LINGO2: variants seen among roughly 807,000 people sequenced by gnomAD.
The protein encoded by LINGO2 is leucine-rich repeat and immunoglobulin-like domain-containing nogo receptor-interacting protein 2.
A neutral mutation model predicts 30.6 loss-of-function variants in LINGO2; 14 were observed. The ratio of observed to expected loss-of-function variants is 0.46; its 90% CI spans 0.30 to 0.72. The LOEUF is 0.72. Ranked by LOEUF, LINGO2 falls within the 30% of genes least tolerant of loss-of-function variation. The pLI is 0.07. For synonymous variants in LINGO2, 317 were observed against 288.5 expected (o/e 1.10, Z -1.00); for missense variants, 729 against 751.7 (o/e 0.97, Z 0.35).
the LINGO2 span, among the ~76,000 whole-genome samples, chr9:29,034,423 C>A: frequency 6.6e-6 from 1 of 151,996 alleles, no homozygotes; most frequent in African/African-American, 2.4e-5. Flanking sequence ...TAACATATTG[C>A]GTGACCTTGG....
chr9:28,398,034 T>C (rs1822124330), intron 2 of LINGO2, among the ~76,000 whole-genome samples: 2 of 152,166 alleles, frequency 1.3e-5, no homozygotes, highest in Non-Finnish European at 1.5e-5. Flanking sequence ...AAGAAAATTA[T>C]TGTTGGAGTT....
the LINGO2 span, among the ~76,000 whole-genome samples, chr9:28,955,085 C>T: frequency 7.9e-5 from 12 of 151,288 alleles, no homozygotes; most frequent in African/African-American, 2.2e-4. Flanking sequence ...CAAAAAGAAA[C>T]GGAGATTAGG....
the LINGO2 span, among the ~76,000 whole-genome samples, chr9:29,159,730 C>T: frequency 1.3e-5 from 2 of 151,300 alleles, no homozygotes; most frequent in Admixed American, 6.6e-5. Context: ...TGGTGGTGGG[C>T]GCCAGTAATC....
rs1050285945 is a variant in LINGO2, at chr9:28,130,882, A to G, written c.-86-118477T>C. On this transcript the variant is annotated intron_variant, in intron 4 of 5. Transcript: ENST00000379992. This position sits in a 1 kb window ranked among gnomAD's most constrained non-coding sequence, Gnocchi z 5.2. ...GAATGCGTTTGAGGCCTTTCAAAAT[A>G]GGGCCTCACATCTATATTTGTTTCA... Among the ~76,000 whole-genome samples, 3 of 152,154 alleles carry G rather than the reference A, an allele frequency of 2.0e-5. No homozygotes were observed. Among genetic ancestry groups the G allele is most frequent in the African/African-American group, 7.2e-5 (3 of 41,460 alleles).
At chr9:28,104,749 C>A (rs1826532059) in intron 4 of LINGO2, among the ~76,000 whole-genome samples, 1 of 152,090 alleles carries the variant, frequency 6.6e-6, no homozygotes, top group Non-Finnish European at 1.5e-5. Context: ...CTTGTTAACA[C>A]TGATGTGCTT....
At chr9:28,856,178 A>G in the LINGO2 span, among the ~76,000 whole-genome samples, 3 of 151,902 alleles carry the variant, frequency 2.0e-5, no homozygotes, top group Admixed American at 2.0e-4. Flanking sequence ...GGAGAACACA[A>G]TTTTGTTGTA....
chr9:28,321,667 T>TA (rs1825047204), intron 3 of LINGO2, among the ~76,000 whole-genome samples: 1 of 152,196 alleles, frequency 6.6e-6, no homozygotes. Flanking sequence ...ACAGAGACTA[T>TA]AGGACCTGTC....
chr9:28,503,487 C>T (rs905943978), intron 1 of LINGO2, among the ~76,000 whole-genome samples: 9 of 151,832 alleles, frequency 5.9e-5, no homozygotes, highest in African/African-American at 2.2e-4. Context: ...GAAAGCAATG[C>T]ATGTCTACAT....
the LINGO2 span, among the ~76,000 whole-genome samples, chr9:28,795,253 C>CG: frequency 6.6e-6 from 1 of 152,104 alleles, no homozygotes; most frequent in African/African-American, 2.4e-5. Flanking sequence ...TAGCAAATAC[C>CG]GTGTGCTCAA....
At chr9:29,042,424 C>T in the LINGO2 span, among the ~76,000 whole-genome samples, 1 of 151,898 alleles carries the variant, frequency 6.6e-6, no homozygotes, top group East Asian at 1.9e-4. Flanking sequence ...AATAATATCC[C>T]AAAAGTGAAT....
chr9:28,621,877 T>C (rs540729490), intron 1 of LINGO2, among the ~76,000 whole-genome samples: 1 of 152,174 alleles, frequency 6.6e-6, no homozygotes, highest in African/African-American at 2.4e-5. Flanking sequence ...AAATACTTTA[T>C]TGCTAAAAAA....
chr9:28,156,782 G>A (rs10812746), intron 4 of LINGO2, among the ~76,000 whole-genome samples: 1 of 152,106 alleles, frequency 6.6e-6, no homozygotes, highest in Non-Finnish European at 1.5e-5. Flanking sequence ...AAAACAAAGG[G>A]GCCACAGGCC....
intron 5 of LINGO2, among the ~76,000 whole-genome samples, chr9:27,972,580 T>C (rs372076026): frequency 5.3e-4 from 81 of 152,314 alleles, no homozygotes; most frequent in Middle Eastern, 3.4e-3. Context: ...GACTTGGCTC[T>C]CCATCACAAC....
chr9:28,094,211 A>G (rs1826178941), intron 4 of LINGO2, among the ~76,000 whole-genome samples: 1 of 152,150 alleles, frequency 6.6e-6, no homozygotes, highest in Non-Finnish European at 1.5e-5. Flanking sequence ...TGACTGCCAA[A>G]GGAGGAATAG....
chr9:28,709,808 A>T, the LINGO2 span, among the ~76,000 whole-genome samples: 1 of 151,942 alleles, frequency 6.6e-6, no homozygotes, highest in Non-Finnish European at 1.5e-5. Flanking sequence ...CATGATTCTC[A>T]ATATGATTGA....
the LINGO2 span, among the ~76,000 whole-genome samples, chr9:29,012,255 G>T: frequency 6.6e-6 from 1 of 152,044 alleles, no homozygotes; most frequent in African/African-American, 2.4e-5. Context: ...CTACTTGGGA[G>T]GGTGAGACAG....
At chr9:28,688,007 C>G in the LINGO2 span, among the ~76,000 whole-genome samples, 2 of 152,076 alleles carry the variant, frequency 1.3e-5, no homozygotes, top group African/African-American at 4.8e-5. Flanking sequence ...CAGTTTGAAA[C>G]CTTCCAAAAA....
intron 3 of LINGO2, among the ~76,000 whole-genome samples, chr9:28,366,676 T>TA (rs201091820): frequency 0.02 from 2,877 of 144,410 alleles, 66 homozygotes; most frequent in East Asian, 0.1. Context: ...ATAAACCAGT[T>TA]AAAAAAAAAA....
chr9:28,958,446 A>C, the LINGO2 span, among the ~76,000 whole-genome samples: 1 of 152,146 alleles, frequency 6.6e-6, no homozygotes, highest in Non-Finnish European at 1.5e-5. Flanking sequence ...ATGGCAGCAG[A>C]GGTAGTCTAA....
Sources: gnomAD v4.1 joint callset for allele counts (sites outside exome capture counted in the v4.1 genomes callset) on GRCh38, gnomAD v4.1.1 for gene constraint, Gnocchi (gnomAD v3.1) non-coding constraint, MANE v1.5 for transcripts, NCBI Gene and HGNC (gene_info 2026-07-23, HGNC 2026-07-21) for gene names.